The following PROM1 variants were observed in gnomAD, a reference collection of about 807,000 sequenced individuals.
PROM1 encodes prominin-1.
PROM1 carries 105 observed loss-of-function variants against 116.9 expected under a neutral mutation model. The ratio of observed to expected loss-of-function variants is 0.90; its 90% confidence interval spans 0.77 to 1.06. The LOEUF (loss-of-function observed/expected upper bound fraction) is 1.06, where lower values mean the gene tolerates loss of function less well. Among genes scored for constraint, PROM1 ranks in the 50% least tolerant of loss-of-function variants. The pLI, the probability that PROM1 is intolerant of heterozygous loss-of-function variation, is 0.00. For missense variants in PROM1, 1,122 were observed against 1,045.2 expected (o/e 1.07, Z -1.01); for synonymous variants, 393 against 387.0 (o/e 1.02, Z -0.18).
At chr4:16,005,356 T>C (rs946578260) in intron 13 of PROM1, among the ~76,000 whole-genome samples, 8 of 152,140 alleles carry the variant, frequency 5.3e-5, no homozygotes, top group African/African-American at 1.7e-4. Flanking sequence ...GGTCATTAGC[T>C]CTAAGGTGAT....
chr4:15,998,631 G>T, intron 14 of PROM1, 143 bp from the exon 15 acceptor site: 1 of 859,024 alleles, frequency 1.2e-6, no homozygotes, highest in Non-Finnish European at 1.6e-6. Context: ...CTTATAACTA[G>T]AAAATAATAG....
At chr4:15,980,390 A>AC in intron 24 of PROM1, 32 bp downstream of exon 24, 3 of 1,380,812 alleles carry the variant, frequency 2.2e-6, no homozygotes, top group Non-Finnish European at 3.0e-6. Flanking sequence ...CTAGAAAATG[A>AC]CCCCCACGTC....
chr4:15,996,075 G>T (rs2149150632), intron 15 of PROM1, among the ~76,000 whole-genome samples: 1 of 152,316 alleles, frequency 6.6e-6, no homozygotes, highest in Middle Eastern at 3.4e-3. Flanking sequence ...TCACAGAGTG[G>T]TGTGGATATT....
Position 16,033,426 on chromosome 4 carries a change from GA to G in PROM1, c.386del (p.Phe129SerfsTer26), listed in dbSNP as rs1733210295. 6.2e-7 allele frequency: 1 copy of G among 1,613,698 alleles called. No homozygotes were observed. Among genetic ancestry groups the G allele is most frequent in the African/African-American group, 1.3e-5 (1 of 74,988 alleles). ...TGTTACAGCAACGACACATACAAAA[GA>G]AATACCCCACCAGAGGCATCAGAAT... ...FIILMPLVGY[F>X]FCMCRCCNKC... On this transcript the variant is annotated frameshift_variant, in exon 5 of 28. Transcript: ENST00000447510. LOFTEE classifies it high-confidence loss of function.
At chr4:15,985,431 C>G in intron 22 of PROM1, 1 of 289,120 alleles carries the variant, frequency 3.5e-6, no homozygotes. Flanking sequence ...ACCCAGCCTA[C>G]AGGACTCTGA....
At chr4:15,989,185 T>A (rs1054120565) in intron 19 of PROM1, among the ~76,000 whole-genome samples, 1 of 152,138 alleles carries the variant, frequency 6.6e-6, no homozygotes, top group Non-Finnish European at 1.5e-5. Flanking sequence ...AAGCAGAATT[T>A]AAAACCAGGT....
chr4:16,034,341 C>T (rs1245886543), intron 4 of PROM1, among the ~76,000 whole-genome samples: 1 of 152,102 alleles, frequency 6.6e-6, no homozygotes, highest in Non-Finnish European at 1.5e-5. Context: ...ATAATACGTA[C>T]CTTGTCAAGT....
chr4:16,080,661 G>C (rs1295916362), intron 1 of PROM1: 1 of 152,054 alleles, frequency 6.6e-6, no homozygotes, highest in Non-Finnish European at 1.5e-5. Flanking sequence ...AGTGCTTTTG[G>C]CGGGGGCATG....
intron 26 of PROM1, among the ~76,000 whole-genome samples, chr4:15,976,760 T>G (rs905735511): frequency 6.6e-6 from 1 of 152,192 alleles, no homozygotes; most frequent in Non-Finnish European, 1.5e-5. Context: ...AGCACATTCT[T>G]CCAGGCCTAC....
intron 2 of PROM1, among the ~76,000 whole-genome samples, chr4:16,054,194 C>T (rs891433131): frequency 2.0e-5 from 3 of 152,196 alleles, no homozygotes; most frequent in Non-Finnish European, 4.4e-5. Context: ...TTAATGAAGT[C>T]ACTCACTAAT....
At chr4:16,048,817 T>TGTGCTCACAGCCAC (rs1188870136) in intron 2 of PROM1, among the ~76,000 whole-genome samples, 1 of 152,212 alleles carries the variant, frequency 6.6e-6, no homozygotes, top group East Asian at 1.9e-4. Context: ...CTGGCAGCCA[T>TGTGCTCACAGCCAC]GTGCTCACAG....
intron 5 of PROM1, among the ~76,000 whole-genome samples, chr4:16,031,054 A>C (rs1045916475): frequency 2.0e-5 from 3 of 152,208 alleles, no homozygotes; most frequent in African/African-American, 7.2e-5. Flanking sequence ...TCAAAAAAAC[A>C]AAGAAACCCA....
chr4:16,026,048 C>T (rs1398237817), intron 5 of PROM1, among the ~76,000 whole-genome samples: 3 of 152,184 alleles, frequency 2.0e-5, no homozygotes, highest in African/African-American at 7.2e-5. Context: ...GGATTCACTT[C>T]ATGGACACTT....
chr4:16,038,920 T>C lies in PROM1; in HGVS notation c.276+26A>G, dbSNP rs762150521. ...TTTTTCTCATACTTCGTATTTTTAA[T>C]AATAAATACACCAATGAAAAATTAC... On this transcript the variant is annotated intron_variant, in intron 3 of 27. Transcript: ENST00000447510. 2.7e-6 allele frequency: 4 copies of C among 1,456,924 alleles called. No individual in the cohort carries two copies. The East Asian group carries it at 8.1e-5, about 30-fold the overall frequency. 90.2% of individuals were successfully genotyped at this position (1,456,924 alleles called of 1,614,324 possible). A position where few individuals can be genotyped will look rare whatever the true frequency, so the allele number is the denominator to read the frequency against.
intron 2 of PROM1, among the ~76,000 whole-genome samples, chr4:16,075,240 G>C (rs935390537): frequency 1.3e-5 from 2 of 152,286 alleles, no homozygotes; most frequent in East Asian, 3.9e-4. Flanking sequence ...CCTAAGCAAT[G>C]TCAAAATTTG....
chr4:15,980,523 A>G lies in PROM1; in HGVS notation c.2388T>C (p.Phe796=). ...YIIDPLNLFW[F]GIGKATVFLL... is the part of the protein sequence containing the mutation. ...AAAATACAGTAGCTTTTCCTATGCCAAACCAAAACAAATTCTAGGAAAAAA... is the reference window on the plus strand; with the variant it reads ...AAAATACAGTAGCTTTTCCTATGCCGAACCAAAACAAATTCTAGGAAAAAA... Residue 796 remains phenylalanine, a synonymous_variant, in exon 24 of 28, where the codon TTT becomes TTC. Coordinates refer to ENST00000447510, the MANE Select transcript of PROM1 (RefSeq NM_006017.3). 6.5e-7 allele frequency: 1 copy of G among 1,534,802 alleles called. No individual in the cohort carries two copies. The highest frequency in any genetic ancestry group is 2.0e-5 in the Admixed American group (1 of 49,050).
At chr4:16,054,865 A>G (rs985946641) in intron 2 of PROM1, among the ~76,000 whole-genome samples, 1 of 152,036 alleles carries the variant, frequency 6.6e-6, no homozygotes, top group Non-Finnish European at 1.5e-5. Context: ...GGGGGGGAAA[A>G]AAATCATCCC....
In PROM1 at chr4:16,081,145, T is replaced by C. The variant is rs998110065; in HGVS notation, c.-213+2833A>G. Among the ~76,000 whole-genome samples, 15 of 152,180 alleles carry C rather than the reference T, an allele frequency of 9.9e-5. No individual in the cohort carries two copies. The East Asian group carries it at 2.7e-3, about 27-fold the overall frequency. The stretch of plus-strand genomic sequence containing the variant: ...TTGTTACATGTGTATACATGTGCCA[T>C]GTCGGTGTGCTGCACCTATTAACTC... On this transcript the variant is annotated intron_variant, in intron 1 of 27. Transcript: ENST00000447510.
intron 2 of PROM1, among the ~76,000 whole-genome samples, chr4:16,041,773 A>ATAT (rs1735315257): frequency 2.6e-5 from 1 of 38,880 alleles, no homozygotes; most frequent in African/African-American, 6.9e-5. Flanking sequence ...TAAATAAATA[A>ATAT]ATAAATAAAT....
Sources: allele counts gnomAD v4.1 joint callset (sites outside exome capture counted in the v4.1 genomes callset), GRCh38; gene constraint gnomAD v4.1.1; transcripts MANE v1.5; gene names NCBI Gene and HGNC (gene_info 2026-07-23, HGNC 2026-07-21).